Variants in DAB1 observed in about 807,000 individuals in gnomAD.
DAB1 encodes the protein disabled homolog 1.
In DAB1, 15 loss-of-function variants were observed where a neutral mutation model predicts 64.6. The ratio of observed to expected loss-of-function variants is 0.23; its 90% CI spans 0.16 to 0.36. DAB1 has a LOEUF of 0.36. Among genes scored for constraint, DAB1 ranks in the 10% least tolerant of loss-of-function variants. DAB1 has a pLI of 1.00. For synonymous variants in DAB1, 235 were observed against 251.9 expected, an observed-to-expected ratio of 0.93 and a Z score of 0.64; for missense variants, 596 against 706.7, an observed-to-expected ratio of 0.84 and a Z score of 1.78.
chr1:58,436,523 C>A (rs1476535832), intron 3 of DAB1, among the ~76,000 whole-genome samples: 5 of 149,196 alleles, frequency 3.4e-5, no homozygotes, highest in Non-Finnish European at 7.3e-5. Flanking sequence ...CCACCTCTCA[C>A]TCCATGCCAT....
At chr1:58,313,856 T>TGAGAGAGA (rs3055509) in intron 4 of DAB1, among the ~76,000 whole-genome samples, 6 of 112,064 alleles carry the variant, frequency 5.4e-5, no homozygotes, top group African/African-American at 2.0e-4. Context: ...TGTGTGTGTG[T>TGAGAGAGA]GAGAGAGAGA....
chr1:57,881,118 G>A (rs1232299615), intron 1 of DAB1, among the ~76,000 whole-genome samples: 2 of 152,028 alleles, frequency 1.3e-5, no homozygotes, highest in Non-Finnish European at 2.9e-5. Context: ...AAGCTGTTGA[G>A]TAGATTAAAT....
rs566673834 is a variant in DAB1 at position 58,391,230 on chromosome 1, A to G, written n.258-47827T>C. ...AGAGAGCTGCCGGCCAGCAGCAGCC[A>G]GGCTCTGGAGGAAAAGGCTACTCAG... On this transcript the variant is annotated intron_variant and non_coding_transcript_variant, in intron 3 of 20. Transcript: ENST00000485760. 3.3e-5 allele frequency among the ~76,000 whole-genome samples: 5 copies of G among 152,326 alleles called. No individual in the cohort carries two copies. In the South Asian group the frequency reaches 6.2e-4, roughly 19 times the overall value.
chr1:57,894,578 G>A (rs558603851), intron 5 of DAB1, among the ~76,000 whole-genome samples: 1 of 152,286 alleles, frequency 6.6e-6, no homozygotes, highest in Admixed American at 6.5e-5. Context: ...CGATGTGCTT[G>A]ACACATGGTG....
At position 56,997,218 on chromosome 1, in the gene DAB1, G is replaced by A. The variant is rs999748759; in HGVS notation, c.*926C>T. On this transcript the variant is annotated 3_prime_UTR_variant, in exon 15 of 15. Transcript: ENST00000371236. ...CATAGCAACACAGCAGCAAGATATCGGAAAAATAAAAAATATCATTTTATT... is the reference window on the plus strand; with the variant it reads ...CATAGCAACACAGCAGCAAGATATCAGAAAAATAAAAAATATCATTTTATT... The A allele has an allele frequency of 6.6e-6, 1 of 151,892 alleles. No homozygotes were observed. The highest frequency in any genetic ancestry group is 1.5e-5 in the Non-Finnish European group (1 of 67,970). The allele number at this position is 151,892 out of a possible 1,614,324, so 9.4% of individuals were successfully genotyped here.
chr1:57,339,127 C>T (rs913535862), intron 1 of DAB1, among the ~76,000 whole-genome samples: 3 of 145,990 alleles, frequency 2.1e-5, no homozygotes, highest in Non-Finnish European at 4.5e-5. Flanking sequence ...GAAAAAAATA[C>T]GGCTTCTTTC....
At chr1:57,405,519 T>A (rs1683562824) in intron 1 of DAB1, among the ~76,000 whole-genome samples, 1 of 152,250 alleles carries the variant, frequency 6.6e-6, no homozygotes, top group Non-Finnish European at 1.5e-5. Flanking sequence ...AGGCCAGTTA[T>A]CTTTAGTCCA....
intron 6 of DAB1, among the ~76,000 whole-genome samples, chr1:57,784,909 C>T (rs769268961): frequency 5.3e-5 from 8 of 152,158 alleles, no homozygotes; most frequent in Non-Finnish European, 1.2e-4. Flanking sequence ...GAAGAAGATG[C>T]CATGACATCT....
intron 2 of DAB1, among the ~76,000 whole-genome samples, chr1:57,182,761 G>T (rs896670468): frequency 7.9e-5 from 12 of 152,070 alleles, no homozygotes. Context: ...AATTATCTTG[G>T]GAAAGAATGC....
intron 7 of DAB1, among the ~76,000 whole-genome samples, chr1:57,531,762 A>C (rs79573629): frequency 6.6e-6 from 1 of 152,088 alleles, no homozygotes; most frequent in Non-Finnish European, 1.5e-5. Context: ...TGTGAGAAAA[A>C]CCAAAGTCCT....
intron 4 of DAB1, among the ~76,000 whole-genome samples, chr1:58,328,615 G>T (rs748127961): frequency 6.6e-6 from 1 of 152,002 alleles, no homozygotes; most frequent in Non-Finnish European, 1.5e-5. Context: ...TCTGGCCTTT[G>T]TTTTTTTCAA....
At chr1:58,053,758 T>A (rs1647865646) in intron 5 of DAB1, among the ~76,000 whole-genome samples, 1 of 152,232 alleles carries the variant, frequency 6.6e-6, no homozygotes, top group African/African-American at 2.4e-5. Context: ...TTCTTCCCTT[T>A]CCTAGTTATG....
chr1:58,447,898 G>C (rs763567163), intron 3 of DAB1, among the ~76,000 whole-genome samples: 3 of 151,824 alleles, frequency 2.0e-5, no homozygotes, highest in Middle Eastern at 3.2e-3. Flanking sequence ...AAGACTGGAG[G>C]AGGCAGAGTT....
intron 3 of DAB1, among the ~76,000 whole-genome samples, chr1:58,400,781 AAT>A (rs1644562206): frequency 6.6e-6 from 1 of 152,232 alleles, no homozygotes; most frequent in Non-Finnish European, 1.5e-5. Context: ...TAGATTATGA[AAT>A]ATATAAGTAT....
chr1:58,341,283 C>T (rs913567047), intron 4 of DAB1, among the ~76,000 whole-genome samples: 40 of 152,216 alleles, frequency 2.6e-4, no homozygotes, highest in African/African-American at 9.4e-4. Flanking sequence ...AGGTTATCTG[C>T]TCTGAAGCCG....
chr1:58,191,906 T>C (rs1032989997), intron 4 of DAB1, among the ~76,000 whole-genome samples: 1 of 152,088 alleles, frequency 6.6e-6, no homozygotes, highest in Non-Finnish European at 1.5e-5. Context: ...CGTAAAAATA[T>C]GTGACCACCT....
intron 9 of DAB1, among the ~76,000 whole-genome samples, chr1:57,060,437 A>C (rs1196946546): frequency 1.3e-5 from 2 of 152,148 alleles, no homozygotes; most frequent in Non-Finnish European, 2.9e-5. Context: ...GGCCTGAGCC[A>C]CCGCCCCTGG....
At chr1:57,243,152 A>T (rs1668616533) in intron 2 of DAB1, among the ~76,000 whole-genome samples, 1 of 152,212 alleles carries the variant, frequency 6.6e-6, no homozygotes, top group Non-Finnish European at 1.5e-5. Context: ...TACCCAGCTA[A>T]ATGGAAAAGA....
At chr1:57,350,816 C>T (rs182711568) in intron 1 of DAB1, among the ~76,000 whole-genome samples, 4 of 152,258 alleles carry the variant, frequency 2.6e-5, no homozygotes, top group Admixed American at 1.3e-4. Flanking sequence ...TGAAAGACTA[C>T]GGTGAACTTT....
Sources: gnomAD v4.1 joint callset for allele counts (sites outside exome capture counted in the v4.1 genomes callset) on GRCh38, gnomAD v4.1.1 for gene constraint, MANE v1.5 for transcripts, NCBI Gene and HGNC (gene_info 2026-07-23, HGNC 2026-07-21) for gene names.